The following TIMD4 variants were observed in gnomAD, a reference collection of about 807,000 sequenced individuals.
TIMD4 encodes the protein T cell immunoglobulin and mucin domain containing 4.
TIMD4 carries 31 observed loss-of-function variants against 41.2 expected under a neutral mutation model. The ratio of observed to expected loss-of-function variants is 0.75; its 90% confidence interval spans 0.57 to 1.01. The LOEUF is 1.01. Ranked by LOEUF, TIMD4 falls within the 50% of genes least tolerant of loss-of-function variation. TIMD4 has a pLI of 0.00. For missense variants in TIMD4, 479 were observed against 472.5 expected (o/e 1.01, Z -0.13); for synonymous variants, 204 against 177.1 (o/e 1.15, Z -1.21).
At chr5:156,941,399 A>G (rs1759650562) in intron 5 of TIMD4, among the ~76,000 whole-genome samples, 1 of 152,256 alleles carries the variant, frequency 6.6e-6, no homozygotes, top group African/African-American at 2.4e-5. Flanking sequence ...CAAGCCCCTT[A>G]AGAACCTAGA....
At chr5:156,941,194 C>T (rs1487005727) in intron 5 of TIMD4, among the ~76,000 whole-genome samples, 1 of 152,106 alleles carries the variant, frequency 6.6e-6, no homozygotes, top group African/African-American at 2.4e-5. Context: ...CCGCAGGGTC[C>T]TCTGCCTAGG....
chr5:156,958,590 C>G (rs1379209285), intron 1 of TIMD4, among the ~76,000 whole-genome samples: 2 of 152,108 alleles, frequency 1.3e-5, no homozygotes, highest in African/African-American at 4.8e-5. Context: ...TGAGATAAAC[C>G]AGAGTGAAAT....
intron 1 of TIMD4, among the ~76,000 whole-genome samples, chr5:156,957,492 G>A (rs1759992038): frequency 9.4e-6 from 1 of 106,574 alleles, no homozygotes; most frequent in Non-Finnish European, 1.8e-5. Flanking sequence ...CAGCCTGGGT[G>A]ACAGAGCGAG....
At chr5:156,956,661 T>C (rs1482246347) in intron 1 of TIMD4, among the ~76,000 whole-genome samples, 5 of 152,370 alleles carry the variant, frequency 3.3e-5, no homozygotes, top group Middle Eastern at 6.8e-3. Flanking sequence ...TTAAAAATGT[T>C]AAGCCCATTG....
At chr5:156,928,125 G>A (rs1380224149) in intron 5 of TIMD4, among the ~76,000 whole-genome samples, 1 of 152,072 alleles carries the variant, frequency 6.6e-6, no homozygotes, top group Non-Finnish European at 1.5e-5. Context: ...CCAATATGCT[G>A]AAACTAAAAT....
At chr5:156,953,845 T>C (rs1759911489) in intron 2 of TIMD4, among the ~76,000 whole-genome samples, 1 of 152,094 alleles carries the variant, frequency 6.6e-6, no homozygotes, top group South Asian at 2.1e-4. Context: ...GTTAGCATTA[T>C]TCAACCATAC....
Position 156,954,626 on chromosome 5 carries a change from ACCG to A in TIMD4, c.186_188del (p.Gly63del). On this transcript the variant is annotated inframe_deletion, in exon 2 of 9. Transcript: ENST00000274532. ...CAGTGCGGATGAGCGCCTCCTTGCA[ACCG>A]GAGTAGGGGCACTGGTCTTTCCCCC... The A allele has an allele frequency of 6.2e-7, 1 of 1,614,072 alleles. No homozygotes were observed. Among genetic ancestry groups the A allele is most frequent in the Admixed American group, 1.7e-5 (1 of 60,002 alleles).
chr5:156,949,883 T>C lies in TIMD4; in HGVS notation c.680-152A>G, dbSNP rs191845711. ...CCCAGGCTGGAGTGCAGTGGCACAA[T>C]CTCTGCTCACTTCTGTCTCCACCTC... On this transcript the variant is annotated intron_variant, in intron 3 of 8. Transcript: ENST00000274532. The C allele has an allele frequency of 2.6e-4, 146 of 572,522 alleles. 1 individual carries two copies. In the East Asian group the frequency reaches 4.5e-3, roughly 18 times the overall value. 35.5% of individuals were successfully genotyped at this position (572,522 alleles called of 1,614,324 possible). A position where few individuals can be genotyped will look rare whatever the true frequency, so the allele number is the denominator to read the frequency against.
At chr5:156,935,131 A>T (rs932006673) in intron 5 of TIMD4, among the ~76,000 whole-genome samples, 1 of 152,060 alleles carries the variant, frequency 6.6e-6, no homozygotes, top group Non-Finnish European at 1.5e-5. Context: ...CAAAAATCAC[A>T]ATCTGAATGT....
chr5:156,938,836 C>T (rs17054082), intron 5 of TIMD4, among the ~76,000 whole-genome samples: 4,247 of 152,288 alleles, frequency 0.028, 196 homozygotes, highest in African/African-American at 0.098. Context: ...ACACAGCCAC[C>T]TCTCTAAATG....
chr5:156,949,557 G>T, intron 4 of TIMD4, 94 bp downstream of exon 4: 3 of 1,088,322 alleles, frequency 2.8e-6, no homozygotes, highest in Non-Finnish European at 4.2e-6. Flanking sequence ...ACCCAAAGAG[G>T]TTGTCAGTCA....
chr5:156,947,915 T>C (rs1481093473), intron 5 of TIMD4, among the ~76,000 whole-genome samples: 1 of 152,236 alleles, frequency 6.6e-6, no homozygotes, highest in Non-Finnish European at 1.5e-5. Context: ...GACATTTGTG[T>C]AATTTAAAAT....
chr5:156,938,598 C>T (rs1026179690), intron 5 of TIMD4, among the ~76,000 whole-genome samples: 7 of 152,192 alleles, frequency 4.6e-5, no homozygotes, highest in East Asian at 1.9e-4. Context: ...CTTATCTCCA[C>T]GTCTAGATCA....
In TIMD4 at chr5:156,954,496, T is replaced by G. The variant is rs780206539; in HGVS notation, c.319A>C (p.Ser107Arg). The change falls in exon 2 of 9, where the codon AGC becomes CGC. Residue 107 changes from serine (S) to arginine (R), a missense_variant. Ser to Arg is a moderately radical substitution (Grantham distance 110). Transcript: ENST00000274532. The part of the protein sequence containing the change: ...LTILNPSESD[S>R]GVYCCRIEVP... ...TCTATGCGGCAGCAGTACACACCGC[T>G]GTCACTTTCACTGGGGTTTAAGATG... 5 of 1,614,258 alleles carry G rather than the reference T, an allele frequency of 3.1e-6. No individual in the cohort carries two copies. In the South Asian group the frequency reaches 4.4e-5, roughly 14 times the overall value.
At position 156,954,405 on chromosome 5, in the gene TIMD4, G is replaced by C; in HGVS notation, c.400+10C>G. ...TCCTTCCGCAGGCATGAGGCCCTTC[G>C]TGTGCTTACCTCTCTGTAGATTCAG... On this transcript the variant is annotated intron_variant, in intron 2 of 8. Transcript: ENST00000274532. 2 of 1,608,008 alleles carry C rather than the reference G, an allele frequency of 1.2e-6. No homozygotes were observed. Among genetic ancestry groups the C allele is most frequent in the Non-Finnish European group, 1.7e-6 (2 of 1,176,832 alleles).
rs527409778 is a variant in TIMD4, at chr5:156,925,887, T to TTTTG, written c.894+372_894+375dup. Among the ~76,000 whole-genome samples the TTTTG allele has an allele frequency of 3.6e-3, 542 of 152,218 alleles. 1 individual carries two copies. Among genetic ancestry groups the TTTTG allele is most frequent in the African/African-American group, 0.012 (514 of 41,554 alleles). On this transcript the variant is annotated intron_variant, in intron 6 of 8. Transcript: ENST00000274532. Reference sequence around the variant, plus strand: ...CCATCTCTGCAAACCTCTGCGGATTTTTTGTTTGTTTGTTTTTTGTTTTGT... The same window carrying TTTTG: ...CCATCTCTGCAAACCTCTGCGGATTTTTTGTTTGTTTGTTTGTTTTTTGTTTTGT...
chr5:156,922,616 G>A (rs562402048), intron 6 of TIMD4, among the ~76,000 whole-genome samples: 1 of 152,320 alleles, frequency 6.6e-6, no homozygotes, highest in South Asian at 2.1e-4. Flanking sequence ...TTCTACAGCA[G>A]TGGTTCTCAA....
intron 5 of TIMD4, among the ~76,000 whole-genome samples, chr5:156,944,048 G>A (rs1425944016): frequency 2.0e-5 from 3 of 150,026 alleles, no homozygotes; most frequent in Non-Finnish European, 4.4e-5. Context: ...TGACAGAGGT[G>A]AGACTCTGTC....
In TIMD4 at chr5:156,954,419, C is replaced by T; in HGVS notation, c.396G>A (p.Gln132=). Residue 132 remains glutamine (Q), a synonymous_variant, in exon 2 of 9, where the codon CAG becomes CAA. Transcript: ENST00000274532. ...TGAGGCCCTTCGTGTGCTTACCTCT[C>T]TGTAGATTCAGGCGCACGTTTATCT... The part of the protein sequence containing the change: ...DVKINVRLNL[Q]RASTTTHRTA... 6.2e-7 allele frequency: 1 copy of T among 1,612,616 alleles called. No individual in the cohort carries two copies. Among genetic ancestry groups the T allele is most frequent in the Non-Finnish European group, 8.5e-7 (1 of 1,179,224 alleles).
Sources: gnomAD v4.1 joint callset for allele counts (sites outside exome capture counted in the v4.1 genomes callset) on GRCh38, gnomAD v4.1.1 for gene constraint, MANE v1.5 for transcripts, NCBI Gene and HGNC (gene_info 2026-07-23, HGNC 2026-07-21) for gene names.